Variants in CCSER1 observed in about 807,000 individuals in gnomAD.
CCSER1 encodes serine-rich coiled-coil domain-containing protein 1.
Under a neutral mutation model 82.0 loss-of-function variants are expected in CCSER1, and 41 were observed. That is an observed-to-expected ratio of 0.50 (90% CI 0.39 to 0.65). CCSER1 has a LOEUF of 0.65. Among genes scored for constraint, CCSER1 ranks in the 30% least tolerant of loss-of-function variants. The pLI is 0.00. For synonymous variants in CCSER1, 414 were observed against 383.9 expected (o/e 1.08, Z -0.92); for missense variants, 1,119 against 1,064.2 (o/e 1.05, Z -0.72).
chr4:90,969,243 T>A (rs1734856634), intron 9 of CCSER1, among the ~76,000 whole-genome samples: 1 of 151,976 alleles, frequency 6.6e-6, no homozygotes, highest in Non-Finnish European at 1.5e-5. Context: ...TTTAAAGATA[T>A]AATAACTGAA....
intron 9 of CCSER1, among the ~76,000 whole-genome samples, chr4:90,950,770 C>G (rs997554206): frequency 1.3e-5 from 2 of 152,032 alleles, no homozygotes; most frequent in Non-Finnish European, 2.9e-5. Context: ...GAAAACAATA[C>G]GATTGTACTG....
intron 10 of CCSER1, among the ~76,000 whole-genome samples, chr4:91,229,748 A>G (rs1738475574): frequency 6.6e-6 from 1 of 152,252 alleles, no homozygotes; most frequent in East Asian, 1.9e-4. Context: ...GAAACCAAAC[A>G]CCGCATGTTC....
chr4:91,150,431 A>T (rs1730053457), intron 10 of CCSER1, among the ~76,000 whole-genome samples: 1 of 152,162 alleles, frequency 6.6e-6, no homozygotes, highest in African/African-American at 2.4e-5. Flanking sequence ...GCAAACAGGG[A>T]CAATTTGACT....
chr4:91,052,231 TA>T (rs1432484253), intron 9 of CCSER1, among the ~76,000 whole-genome samples: 4 of 152,068 alleles, frequency 2.6e-5, no homozygotes, highest in African/African-American at 9.6e-5. Flanking sequence ...CAGAATTGAT[TA>T]AAACACTTTT....
At chr4:90,160,158 C>T (rs550910823) in intron 1 of CCSER1, among the ~76,000 whole-genome samples, 1 of 152,298 alleles carries the variant, frequency 6.6e-6, no homozygotes, top group Admixed American at 6.5e-5. Context: ...GTGCACATTG[C>T]TCTCTTCAAA....
intron 7 of CCSER1, among the ~76,000 whole-genome samples, chr4:90,763,907 T>C (rs1750786504): frequency 6.6e-6 from 1 of 152,222 alleles, no homozygotes; most frequent in African/African-American, 2.4e-5. Context: ...TGTTTTCTTA[T>C]AACTTTCCGG....
chr4:91,266,619 C>T (rs1741611391), intron 10 of CCSER1, among the ~76,000 whole-genome samples: 1 of 152,102 alleles, frequency 6.6e-6, no homozygotes. Flanking sequence ...AGGCAGAAGA[C>T]ACTAACTCAA....
intron 2 of CCSER1, among the ~76,000 whole-genome samples, chr4:90,311,233 G>T (rs1735231378): frequency 6.6e-6 from 1 of 152,132 alleles, no homozygotes; most frequent in Non-Finnish European, 1.5e-5. Flanking sequence ...ATATAAAAAA[G>T]AGATAGAAAT....
rs534266179 is a variant in CCSER1 at position 90,481,076 on chromosome 4, G to C, written c.1724+12722G>C. ...CCTTGAGCAGTGGTTTGAAGTTCTC[G>C]TTGAAGAGGTCCTTCACATCCCTTG... On this transcript the variant is annotated intron_variant, in intron 5 of 10. Transcript: ENST00000509176. 3.4e-3 allele frequency among the ~76,000 whole-genome samples: 515 copies of C among 152,102 alleles called. 1 individual carries two copies. The highest frequency in any genetic ancestry group is 8.2e-3 in the African/African-American group (341 of 41,480).
intron 3 of CCSER1, among the ~76,000 whole-genome samples, chr4:90,365,905 A>G (rs998298607): frequency 6.6e-6 from 1 of 151,946 alleles, no homozygotes; most frequent in African/African-American, 2.4e-5. Flanking sequence ...TTTTCCTTCT[A>G]GCATATTATT....
chr4:90,828,741 G>T (rs765937209), intron 8 of CCSER1, among the ~76,000 whole-genome samples: 3 of 151,888 alleles, frequency 2.0e-5, no homozygotes, highest in Admixed American at 6.6e-5. Flanking sequence ...TTAATGATAG[G>T]GTCTTTGTTC....
chr4:91,560,551 T>A (rs1762607142), intron 10 of CCSER1, among the ~76,000 whole-genome samples: 1 of 151,498 alleles, frequency 6.6e-6, no homozygotes, highest in Admixed American at 6.6e-5. Context: ...ATTTTAAAAA[T>A]TCAAAAGCTT....
At chr4:90,376,972 A>G (rs1224393211) in intron 3 of CCSER1, among the ~76,000 whole-genome samples, 1 of 152,190 alleles carries the variant, frequency 6.6e-6, no homozygotes, top group African/African-American at 2.4e-5. Context: ...CACCTGCACC[A>G]CACATACAGT....
chr4:90,751,659 T>G (rs563032874), intron 7 of CCSER1, among the ~76,000 whole-genome samples: 90 of 152,256 alleles, frequency 5.9e-4, no homozygotes, highest in Non-Finnish European at 1.1e-3. Context: ...TTCTATTGTT[T>G]GCTTGGTGTT....
intron 3 of CCSER1, among the ~76,000 whole-genome samples, chr4:90,316,267 T>A (rs1174973930): frequency 6.6e-6 from 1 of 152,224 alleles, no homozygotes; most frequent in Admixed American, 6.5e-5. Flanking sequence ...AGATTTGGAT[T>A]TGGATCCTTT....
At chr4:90,387,171 A>C (rs914532283) in intron 3 of CCSER1, among the ~76,000 whole-genome samples, 1 of 152,144 alleles carries the variant, frequency 6.6e-6, no homozygotes, top group East Asian at 1.9e-4. Flanking sequence ...CATTTTGGTT[A>C]TTTTAACATT....
At chr4:90,744,959 T>TTA (rs140185261) in intron 7 of CCSER1, among the ~76,000 whole-genome samples, 47,776 of 149,346 alleles carry the variant, frequency 0.32, 8,638 homozygotes, top group African/African-American at 0.5. Flanking sequence ...TTTATATATA[T>TTA]TATATATATA....
At chr4:90,184,169 C>T (rs1436110439) in intron 1 of CCSER1, among the ~76,000 whole-genome samples, 4 of 151,984 alleles carry the variant, frequency 2.6e-5, no homozygotes, top group Non-Finnish European at 4.4e-5. Flanking sequence ...CAAGTTTGTG[C>T]CTAGTTTATT....
intron 10 of CCSER1, among the ~76,000 whole-genome samples, chr4:91,105,187 T>C (rs1469864396): frequency 6.6e-6 from 1 of 152,144 alleles, no homozygotes; most frequent in African/African-American, 2.4e-5. Context: ...AAAAGCCTTA[T>C]CCCCAAATAT....
Sources: allele counts gnomAD v4.1 joint callset (sites outside exome capture counted in the v4.1 genomes callset), GRCh38; gene constraint gnomAD v4.1.1; transcripts MANE v1.5; gene names NCBI Gene and HGNC (gene_info 2026-07-23, HGNC 2026-07-21).